Variants in RBM39 observed in about 807,000 individuals in gnomAD.
RBM39 encodes the protein RNA binding motif protein 39.
RBM39 carries 12 observed loss-of-function variants against 79.6 expected under a neutral mutation model. The ratio of observed to expected loss-of-function variants is 0.15; its 90% CI spans 0.10 to 0.24. The LOEUF (loss-of-function observed/expected upper bound fraction) is 0.24. Ranked by LOEUF, RBM39 falls within the 10% of genes least tolerant of loss-of-function variation. The pLI, the probability that RBM39 is intolerant of heterozygous loss-of-function variation, is 1.00. For synonymous variants in RBM39, 185 were observed against 208.4 expected (o/e 0.89, Z 0.97); for missense variants, 243 against 653.4 (o/e 0.37, Z 6.85).
At chr20:35,725,754 C>T (rs1343734524) in intron 6 of RBM39, among the ~76,000 whole-genome samples, 2 of 151,524 alleles carry the variant, frequency 1.3e-5, no homozygotes, top group African/African-American at 4.9e-5. Context: ...CCTCCGCCTC[C>T]CTGAGTTCAA....
chr20:35,716,726 T>C lies in RBM39; in HGVS notation c.891+14A>G, dbSNP rs757422521. On this transcript the variant is annotated intron_variant, in intron 10 of 16. Transcript: ENST00000253363. ...AAAAAAACCCTAAGTAATATAATTA[T>C]GGTAATTACTTACTGTAATAAATCC... 1.4e-6 allele frequency: 2 copies of C among 1,475,408 alleles called. No individual in the cohort carries two copies. Among genetic ancestry groups the C allele is most frequent in the South Asian group, 1.2e-5 (1 of 83,020 alleles). The allele number at this position is 1,475,408 out of a possible 1,614,324, so 91.4% of individuals were successfully genotyped here.
At position 35,731,944 on chromosome 20, in the gene RBM39, G is replaced by A; in HGVS notation, c.293C>T (p.Pro98Leu). ...AATCATAACTATAGTTACATACTAA[G>A]GACTTCTGTAGCGGCCTCTAAATCT... ...DRRFRGRYRS[P>L]YSGPKFNSAI... The change falls in exon 4 of 17, where the codon CCT becomes CTT. Residue 98 changes from proline (P) to leucine (L), a missense_variant. By Grantham distance (98) the Pro-to-Leu change is moderately conservative. Coordinates refer to ENST00000253363, the MANE Select transcript of RBM39 (RefSeq NM_184234.3). The A allele has an allele frequency of 6.2e-7, 1 of 1,613,622 alleles. No homozygotes were observed. The highest frequency in any genetic ancestry group is 1.1e-5 in the South Asian group (1 of 91,062).
chr20:35,727,049 T>C (rs1218787351), intron 6 of RBM39, among the ~76,000 whole-genome samples: 2 of 152,072 alleles, frequency 1.3e-5, no homozygotes, highest in Non-Finnish European at 2.9e-5. Context: ...CTGGTCTCGA[T>C]ATCCTGACCT....
chr20:35,704,402 T>A lies in RBM39; in HGVS notation c.*79A>T. 9.3e-7 allele frequency: 1 copy of A among 1,071,762 alleles called. No homozygotes were observed. Among genetic ancestry groups the A allele is most frequent in the Non-Finnish European group, 1.4e-6 (1 of 733,918 alleles). 66.4% of individuals were successfully genotyped at this position (1,071,762 alleles called of 1,614,324 possible). A position where few individuals can be genotyped will look rare whatever the true frequency, so the allele number is the denominator to read the frequency against. On this transcript the variant is annotated 3_prime_UTR_variant, in exon 17 of 17. Transcript: ENST00000253363. ...GACAGTAGATCCTTGCCTCTTTATT[T>A]TTATCTAAATAAAAGATAACTCAAG...
At position 35,726,735 on chromosome 20, in the gene RBM39, T is replaced by C. The variant is rs907731549; in HGVS notation, c.417-1580A>G. On this transcript the variant is annotated intron_variant, in intron 6 of 16. Coordinates refer to ENST00000253363, the MANE Select transcript of RBM39 (RefSeq NM_184234.3). ...TAAGGTTGTAAGTCATCCTTTAAGA[T>C]GTAAGCCTAAACACGATCTTTTCCA... Among the ~76,000 whole-genome samples, 9 of 152,234 alleles carry C rather than the reference T, an allele frequency of 5.9e-5. No individual in the cohort carries two copies. In the South Asian group the frequency reaches 6.2e-4, roughly 10 times the overall value.
chr20:35,714,007 A>C (rs2036799366), intron 11 of RBM39, 178 bp downstream of exon 11: 1 of 627,778 alleles, frequency 1.6e-6, no homozygotes, highest in Non-Finnish European at 2.7e-6. Flanking sequence ...CACATAATAT[A>C]GATTTCCATA....
chr20:35,707,027 TAAAA>T (rs58614202), intron 14 of RBM39, 89 bp downstream of exon 14: 233 of 151,684 alleles, frequency 1.5e-3, no homozygotes, highest in East Asian at 3.3e-3. Context: ...AACTCCATCT[TAAAA>T]AAAAAAAAAA....
intron 2 of RBM39, 95 bp from the exon 3 acceptor site, chr20:35,739,112 C>T (rs1170748436): frequency 1.9e-6 from 2 of 1,059,718 alleles, no homozygotes; most frequent in Non-Finnish European, 2.8e-6. Context: ...AAATACAAAA[C>T]AATTTTAAAA....
intron 3 of RBM39, among the ~76,000 whole-genome samples, chr20:35,737,848 CA>C (rs35300439): frequency 0.044 from 1,762 of 40,318 alleles, 18 homozygotes; most frequent in African/African-American, 0.12. Context: ...GACTCCGTGT[CA>C]AAAAAAAAAA....
intron 6 of RBM39, among the ~76,000 whole-genome samples, chr20:35,728,321 GA>G (rs2038986643): frequency 1.3e-5 from 2 of 151,690 alleles, no homozygotes; most frequent in Non-Finnish European, 3.0e-5. Flanking sequence ...CCAACACAAA[GA>G]AACATTTAAC....
intron 13 of RBM39, among the ~76,000 whole-genome samples, chr20:35,708,621 A>T (rs2036040342): frequency 6.6e-6 from 1 of 152,314 alleles, no homozygotes; most frequent in South Asian, 2.1e-4. Context: ...CAAAAGATAT[A>T]GAACTTACAT....
intron 3 of RBM39, chr20:35,734,740 TAA>T (rs1250476098): frequency 8.5e-7 from 1 of 1,173,498 alleles, no homozygotes; most frequent in African/African-American, 1.6e-5. Flanking sequence ...AGCAACATAC[TAA>T]GACATTCAGA....
intron 3 of RBM39, among the ~76,000 whole-genome samples, chr20:35,737,204 G>C (rs949361308): frequency 1.3e-5 from 2 of 150,894 alleles, no homozygotes; most frequent in African/African-American, 4.9e-5. Context: ...AGCCTGGCCA[G>C]GATGGTGAAT....
intron 11 of RBM39, 47 bp from the exon 12 acceptor site, chr20:35,713,143 A>T: frequency 6.6e-7 from 1 of 1,520,530 alleles, no homozygotes. Flanking sequence ...AGAGCAGAGA[A>T]ACGAAGTTTC....
chr20:35,718,367 A>G (rs780799478), intron 9 of RBM39, among the ~76,000 whole-genome samples: 1 of 151,962 alleles, frequency 6.6e-6, no homozygotes, highest in Admixed American at 6.6e-5. Flanking sequence ...ATATTCTAGG[A>G]GCATTAGCTA....
At chr20:35,716,484 A>T (rs2037147068) in intron 10 of RBM39, among the ~76,000 whole-genome samples, 3 of 152,166 alleles carry the variant, frequency 2.0e-5, no homozygotes, top group Admixed American at 2.0e-4. Flanking sequence ...TTTTAGGAGT[A>T]CCTAAGTGTG....
At chr20:35,728,468 GAAAATAAGATTA>G in intron 6 of RBM39, among the ~76,000 whole-genome samples, 2 of 152,074 alleles carry the variant, frequency 1.3e-5, no homozygotes, top group African/African-American at 4.8e-5. Context: ...ATTAAAATAG[GAAAATAAGATTA>G]CATTAAAATA....
At chr20:35,739,482 T>C (rs1245536232) in intron 2 of RBM39, 3 of 471,242 alleles carry the variant, frequency 6.4e-6, no homozygotes, top group Admixed American at 2.3e-5. Flanking sequence ...CCTGAGATCT[T>C]CGCCCATTTC....
At chr20:35,729,560 A>C in intron 4 of RBM39, 33 bp from the exon 5 acceptor site, 1 of 1,592,378 alleles carries the variant, frequency 6.3e-7, no homozygotes, top group Non-Finnish European at 8.6e-7. Flanking sequence ...CACTAGTTAC[A>C]GGTTTAGGGT....
Sources: allele counts gnomAD v4.1 joint callset (sites outside exome capture counted in the v4.1 genomes callset), GRCh38; gene constraint gnomAD v4.1.1; transcripts MANE v1.5; gene names NCBI Gene and HGNC (gene_info 2026-07-23, HGNC 2026-07-21).